The following CSMD3 variants were observed in gnomAD, a reference collection of about 807,000 sequenced individuals.
The protein encoded by CSMD3 is CUB and sushi domain-containing protein 3.
Under a neutral mutation model 435.2 loss-of-function variants are expected in CSMD3, and 177 were observed. The ratio of observed to expected loss-of-function variants is 0.41; its 90% confidence interval spans 0.36 to 0.46. The LOEUF (loss-of-function observed/expected upper bound fraction) is 0.46. CSMD3 is among the 20% of genes least tolerant of loss of function. The pLI is 0.34. For synonymous variants in CSMD3, 1,656 were observed against 1,520.5 expected (o/e 1.09, Z -2.07); for missense variants, 4,265 against 4,504.6 (o/e 0.95, Z 1.52).
In CSMD3 at chr8:113,174,780, T is replaced by C. The variant is rs370927131; in HGVS notation, c.515-864A>G. Among the ~76,000 whole-genome samples the C allele has an allele frequency of 7.2e-5, 11 of 151,966 alleles. No homozygotes were observed. The East Asian group carries it at 1.5e-3, about 21-fold the overall frequency. The stretch of plus-strand genomic sequence containing the variant: ...TTATTTTATTACTGTTATATTACCT[T>C]TATACTACAAATAATAATAAAAACA... On this transcript the variant is annotated intron_variant, in intron 3 of 70. Coordinates refer to ENST00000297405, the MANE Select transcript of CSMD3 (RefSeq NM_198123.2).
intron 14 of CSMD3, among the ~76,000 whole-genome samples, chr8:112,688,579 C>T (rs1470181893): frequency 6.6e-6 from 1 of 151,870 alleles, no homozygotes; most frequent in Non-Finnish European, 1.5e-5. Context: ...ATCTGTATTT[C>T]GTTCTCATAA....
chr8:112,261,584 T>C (rs1340592002), intron 61 of CSMD3, among the ~76,000 whole-genome samples: 2 of 152,028 alleles, frequency 1.3e-5, no homozygotes, highest in Non-Finnish European at 2.9e-5. Flanking sequence ...TAGGCACTAT[T>C]ATTTTACTGC....
At chr8:113,073,140 T>G (rs1013283481) in intron 5 of CSMD3, among the ~76,000 whole-genome samples, 3 of 151,874 alleles carry the variant, frequency 2.0e-5, no homozygotes, top group African/African-American at 7.2e-5. Context: ...CATATGAAAT[T>G]TCTTTGCAAT....
chr8:113,276,197 T>A (rs576853643), intron 3 of CSMD3, among the ~76,000 whole-genome samples: 8 of 152,224 alleles, frequency 5.3e-5, no homozygotes, highest in African/African-American at 1.9e-4. Flanking sequence ...TGCACATATG[T>A]CATGTTACAT....
At chr8:112,554,937 T>C (rs988039710) in intron 25 of CSMD3, among the ~76,000 whole-genome samples, 2 of 151,992 alleles carry the variant, frequency 1.3e-5, no homozygotes, top group African/African-American at 4.8e-5. Flanking sequence ...CACAGGCTAT[T>C]ATAATCATAG....
At chr8:112,782,129 G>T (rs1336175025) in intron 13 of CSMD3, among the ~76,000 whole-genome samples, 4 of 151,996 alleles carry the variant, frequency 2.6e-5, no homozygotes, top group Admixed American at 2.0e-4. Context: ...TGTAGTGAAA[G>T]ATATTCAAAC....
intron 27 of CSMD3, among the ~76,000 whole-genome samples, chr8:112,519,700 G>GGA (rs1334584541): frequency 6.6e-6 from 1 of 152,144 alleles, no homozygotes; most frequent in Non-Finnish European, 1.5e-5. Flanking sequence ...TCGATTCACA[G>GGA]GAAGTCTGAG....
At chr8:112,319,052 T>G (rs1422716436) in intron 46 of CSMD3, 102 bp from the exon 47 acceptor site, 4 of 752,102 alleles carry the variant, frequency 5.3e-6, no homozygotes, top group Non-Finnish European at 9.3e-6. Context: ...TTAGTTATTT[T>G]CAATCAGTAT....
At chr8:112,252,919 A>G (rs1456452743) in intron 63 of CSMD3, among the ~76,000 whole-genome samples, 2 of 151,686 alleles carry the variant, frequency 1.3e-5, no homozygotes, top group Non-Finnish European at 2.9e-5. Context: ...GGTTAGGTTA[A>G]CTTTGTTACA....
intron 1 of CSMD3, among the ~76,000 whole-genome samples, chr8:113,434,651 T>C (rs2094694432): frequency 6.6e-6 from 1 of 152,342 alleles, no homozygotes; most frequent in Admixed American, 6.5e-5. Flanking sequence ...CTGTAGAATA[T>C]TGATTTTGCA....
intron 1 of CSMD3, among the ~76,000 whole-genome samples, chr8:113,379,974 C>T (rs1175479788): frequency 3.9e-5 from 6 of 152,148 alleles, no homozygotes; most frequent in African/African-American, 1.4e-4. Flanking sequence ...CCTGTCTTGT[C>T]ACATGCAAAT....
intron 1 of CSMD3, among the ~76,000 whole-genome samples, chr8:113,418,471 G>A (rs557178693): frequency 2.0e-5 from 3 of 152,188 alleles, no homozygotes; most frequent in African/African-American, 7.2e-5. Flanking sequence ...CAACTGTGAC[G>A]TGTATTGAAT....
At chr8:112,227,821 T>C (rs1229957493) in intron 70 of CSMD3, among the ~76,000 whole-genome samples, 5 of 152,038 alleles carry the variant, frequency 3.3e-5, no homozygotes, top group Non-Finnish European at 7.4e-5. Context: ...GGCGGGCGGA[T>C]CACGAGGTCA....
chr8:112,386,852 G>A (rs1469112781), intron 36 of CSMD3, among the ~76,000 whole-genome samples: 1 of 152,146 alleles, frequency 6.6e-6, no homozygotes, highest in Non-Finnish European at 1.5e-5. Context: ...GTAACTTTGC[G>A]TTAGATATAG....
chr8:112,255,117 G>T, intron 62 of CSMD3, 137 bp downstream of exon 62: 1 of 644,664 alleles, frequency 1.6e-6, no homozygotes, highest in Non-Finnish European at 2.7e-6. Flanking sequence ...CATTTCCAGT[G>T]CCTTCTAATT....
At position 112,353,789 on chromosome 8, in the gene CSMD3, C is replaced by T. The variant is rs185152941; in HGVS notation, c.6137-1255G>A. Reference sequence around the variant, plus strand: ...TTCTACAAAACATACAAAGCTGATACCAATTTACCAAAACTTACAAAAATT... The same window carrying T: ...TTCTACAAAACATACAAAGCTGATATCAATTTACCAAAACTTACAAAAATT... On this transcript the variant is annotated intron_variant, in intron 38 of 70. Coordinates refer to ENST00000297405, the MANE Select transcript of CSMD3 (RefSeq NM_198123.2). 5.1e-4 allele frequency among the ~76,000 whole-genome samples: 78 copies of T among 152,194 alleles called. No homozygotes were observed. In the East Asian group the frequency reaches 9.9e-3, roughly 19 times the overall value.
rs755033046 is a variant in CSMD3 at position 112,408,331 on chromosome 8, G to A, written c.5592C>T (p.His1864=). Residue 1864 remains histidine, a synonymous_variant, in exon 34 of 71, where the codon CAC becomes CAT. Transcript: ENST00000297405. ...AGGGTCACTTACCTTGGTAAACAAA[G>A]TGAAATCCCTTAGCTGTTATTGGTC... is the stretch of plus-strand genomic sequence containing the variant. ...SVGPITAKGF[H]FVYQAVPRTS... 6.2e-7 allele frequency: 1 copy of A among 1,603,144 alleles called. No individual in the cohort carries two copies. Among genetic ancestry groups the A allele is most frequent in the Non-Finnish European group, 8.5e-7 (1 of 1,170,472 alleles).
chr8:112,881,181 C>G (rs1413611812), intron 10 of CSMD3, among the ~76,000 whole-genome samples: 1 of 151,964 alleles, frequency 6.6e-6, no homozygotes, highest in Admixed American at 6.6e-5. Flanking sequence ...AAACAGGAAA[C>G]AACCCAAACA....
At chr8:112,410,642 A>ATATATGTG (rs1832299086) in intron 32 of CSMD3, among the ~76,000 whole-genome samples, 1 of 95,990 alleles carries the variant, frequency 1.0e-5, no homozygotes, top group Non-Finnish European at 2.3e-5. Context: ...ATATATGTAT[A>ATATATGTG]TATATATGTG....
Sources: allele counts gnomAD v4.1 joint callset (sites outside exome capture counted in the v4.1 genomes callset), GRCh38; gene constraint gnomAD v4.1.1; transcripts MANE v1.5; gene names NCBI Gene and HGNC (gene_info 2026-07-23, HGNC 2026-07-21).